The following DSTYK variants were observed in gnomAD, a reference collection of about 807,000 sequenced individuals.
The protein encoded by DSTYK is dual serine/threonine and tyrosine protein kinase.
DSTYK carries 34 observed loss-of-function variants against 98.7 expected under a neutral mutation model. The ratio of observed to expected loss-of-function variants is 0.34; its 90% CI spans 0.26 to 0.46. The LOEUF is 0.46. DSTYK is among the 20% of genes least tolerant of loss of function. DSTYK has a pLI of 1.00. For missense variants in DSTYK, 962 were observed against 1,181.7 expected (o/e 0.81, Z 2.73); for synonymous variants, 462 against 457.3 (o/e 1.01, Z -0.13).
intron 2 of DSTYK, among the ~76,000 whole-genome samples, chr1:205,185,461 C>A (rs1248811953): frequency 1.3e-5 from 2 of 152,076 alleles, no homozygotes; most frequent in Non-Finnish European, 2.9e-5. Context: ...AATCCTCATG[C>A]CTCAGTCTCC....
intron 2 of DSTYK, among the ~76,000 whole-genome samples, chr1:205,183,390 A>T (rs1658477344): frequency 6.6e-6 from 1 of 152,218 alleles, no homozygotes; most frequent in African/African-American, 2.4e-5. Context: ...ATCTCAGGGG[A>T]TCCAGAATTA....
chr1:205,209,643 T>C (rs1659311379), intron 1 of DSTYK, among the ~76,000 whole-genome samples: 1 of 52,544 alleles, frequency 1.9e-5, no homozygotes, highest in African/African-American at 3.5e-5. Context: ...CTAGTTTTTC[T>C]GAAACTACTA....
chr1:205,199,254 T>G (rs1472124050), intron 1 of DSTYK, among the ~76,000 whole-genome samples: 1 of 152,154 alleles, frequency 6.6e-6, no homozygotes, highest in Admixed American at 6.5e-5. Flanking sequence ...CACAGCCACG[T>G]GGCACACAGC....
chr1:205,211,039 G>T (rs1420256328), intron 1 of DSTYK, among the ~76,000 whole-genome samples: 2 of 152,180 alleles, frequency 1.3e-5, no homozygotes. Flanking sequence ...TCCGGCCCTC[G>T]GTTGCCCCTG....
chr1:205,188,684 C>T (rs939267992), intron 1 of DSTYK, among the ~76,000 whole-genome samples: 1 of 152,124 alleles, frequency 6.6e-6, no homozygotes, highest in South Asian at 2.1e-4. Flanking sequence ...AATGTATGAG[C>T]TATAAATGTA....
At chr1:205,174,040 C>A (rs1011039841) in intron 2 of DSTYK, among the ~76,000 whole-genome samples, 1 of 151,932 alleles carries the variant, frequency 6.6e-6, no homozygotes, top group South Asian at 2.1e-4. Flanking sequence ...TTTAAGAGAC[C>A]AGCTGACTTT....
chr1:205,190,602 C>T (rs1266894550), intron 1 of DSTYK, among the ~76,000 whole-genome samples: 4 of 121,146 alleles, frequency 3.3e-5, no homozygotes, highest in East Asian at 2.4e-4. Flanking sequence ...GGCAACAGAG[C>T]GAGACTCCAT....
At chr1:205,204,482 A>ACACAC (rs1553367781) in intron 1 of DSTYK, among the ~76,000 whole-genome samples, 2 of 151,334 alleles carry the variant, frequency 1.3e-5, no homozygotes, top group Non-Finnish European at 3.0e-5. Context: ...ACACACACAC[A>ACACAC]ACCACTCAAA....
At chr1:205,190,439 AC>A (rs1658674641) in intron 1 of DSTYK, among the ~76,000 whole-genome samples, 1 of 152,074 alleles carries the variant, frequency 6.6e-6, no homozygotes, top group Non-Finnish European at 1.5e-5. Context: ...AGCCTGGCCA[AC>A]ATGGCGAAAC....
At chr1:205,200,575 T>G (rs1219653931) in intron 1 of DSTYK, among the ~76,000 whole-genome samples, 1 of 152,202 alleles carries the variant, frequency 6.6e-6, no homozygotes, top group African/African-American at 2.4e-5. Flanking sequence ...GGTAACCAAT[T>G]TGTAGAAAAT....
intron 1 of DSTYK, among the ~76,000 whole-genome samples, chr1:205,195,362 A>G (rs374986458): frequency 4.6e-5 from 7 of 152,258 alleles, no homozygotes; most frequent in African/African-American, 1.7e-4. Context: ...TTTCTACTAC[A>G]GTCAATTCTA....
intron 1 of DSTYK, among the ~76,000 whole-genome samples, chr1:205,189,158 A>G (rs946251773): frequency 1.3e-5 from 2 of 152,176 alleles, no homozygotes; most frequent in African/African-American, 2.4e-5. Context: ...AAAACAAAAA[A>G]AAACAAAAAA....
At chr1:205,181,728 T>C (rs951472550) in intron 2 of DSTYK, among the ~76,000 whole-genome samples, 36 of 146,530 alleles carry the variant, frequency 2.5e-4, no homozygotes, top group Admixed American at 1.9e-3. Flanking sequence ...TTTTTTGAGA[T>C]AGGGTCTCAC....
intron 1 of DSTYK, among the ~76,000 whole-genome samples, chr1:205,197,773 C>T (rs1658909501): frequency 6.6e-6 from 1 of 152,202 alleles, no homozygotes; most frequent in Non-Finnish European, 1.5e-5. Context: ...AGGCACTGAT[C>T]TAAGCAAGTA....
chr1:205,199,941 T>C lies in DSTYK; in HGVS notation c.265+11330A>G, dbSNP rs183289287. On this transcript the variant is annotated intron_variant, in intron 1 of 12. Transcript: ENST00000367162. ...GTAATCTTCATAAATGCATTCTGCA[T>C]TTGAACCACAAAAACGAGATGATAT... Among the ~76,000 whole-genome samples the C allele has an allele frequency of 9.8e-5, 15 of 152,328 alleles. 1 individual carries two copies. Among genetic ancestry groups the C allele is most frequent in the Admixed American group, 9.2e-4 (14 of 15,300 alleles).
Position 205,188,489 on chromosome 1 carries a change from C to T in DSTYK, c.266-683G>A, listed in dbSNP as rs113147034. Among the ~76,000 whole-genome samples the T allele has an allele frequency of 8.6e-3, 1,306 of 152,254 alleles. 22 individuals carry two copies. Among genetic ancestry groups the T allele is most frequent in the African/African-American group, 0.03 (1,250 of 41,538 alleles). ...TACTGAATACTATAGACAGCTGTAA[C>T]ACAGTGGTAAGTATTTGTGTATCTA... On this transcript the variant is annotated intron_variant, in intron 1 of 12. Transcript: ENST00000367162.
intron 2 of DSTYK, among the ~76,000 whole-genome samples, chr1:205,182,420 C>CA (rs964101790): frequency 3.8e-5 from 5 of 130,872 alleles, no homozygotes; most frequent in South Asian, 5.0e-4. Context: ...CAAACCAAAA[C>CA]AAAAAAACAG....
chr1:205,155,203 C>G (rs896506623), intron 10 of DSTYK, among the ~76,000 whole-genome samples: 3 of 151,334 alleles, frequency 2.0e-5, no homozygotes, highest in African/African-American at 7.3e-5. Context: ...AGGCTGGCCT[C>G]GAACTCCTGA....
At position 205,150,619 on chromosome 1, in the gene DSTYK, T is replaced by C; in HGVS notation, c.2467+61A>G. ...TGATTGTGGAAACGAGCTCAAGGGG[T>C]AGCACTCAGGATTAAAGTAGTACGC... On this transcript the variant is annotated intron_variant, in intron 11 of 12. Transcript: ENST00000367162. The surrounding 1 kb of genome is among the most constrained non-coding windows in gnomAD (Gnocchi z 4.1). 7.5e-7 allele frequency: 1 copy of C among 1,330,748 alleles called. No homozygotes were observed. The highest frequency in any genetic ancestry group is 1.4e-5 in the African/African-American group (1 of 69,122). The allele number at this position is 1,330,748 out of a possible 1,614,324, so 82.4% of individuals were successfully genotyped here.
Sources: gnomAD v4.1 joint callset for allele counts (sites outside exome capture counted in the v4.1 genomes callset) on GRCh38, gnomAD v4.1.1 for gene constraint, Gnocchi (gnomAD v3.1) non-coding constraint, MANE v1.5 for transcripts, NCBI Gene and HGNC (gene_info 2026-07-23, HGNC 2026-07-21) for gene names.